Variants in XIRP2 observed in about 807,000 individuals in gnomAD.
The protein encoded by XIRP2 is xin actin binding repeat containing 2, also known as xin actin-binding repeat-containing protein 2.
A neutral mutation model predicts 277.0 loss-of-function variants in XIRP2; 236 were observed. That is an observed-to-expected ratio of 0.85 (90% CI 0.77 to 0.95). The LOEUF (loss-of-function observed/expected upper bound fraction) is 0.95, where lower values mean the gene tolerates loss of function less well. Among genes scored for constraint, XIRP2 ranks in the 40% least tolerant of loss-of-function variants. XIRP2 has a pLI of 0.00. For synonymous variants in XIRP2, 1,490 were observed against 1,416.5 expected (o/e 1.05, Z -1.17); for missense variants, 4,640 against 4,157.5 (o/e 1.12, Z -3.19).
chr2:167,120,728 A>G (rs1304674743), intron 2 of XIRP2, among the ~76,000 whole-genome samples: 1 of 152,196 alleles, frequency 6.6e-6, no homozygotes, highest in East Asian at 1.9e-4. Flanking sequence ...TTATCTTAAC[A>G]AAATCTCAGC....
chr2:167,016,584 G>T (rs1395271032), intron 2 of XIRP2, among the ~76,000 whole-genome samples: 1 of 151,968 alleles, frequency 6.6e-6, no homozygotes, highest in African/African-American at 2.4e-5. Context: ...CAAACAGTCT[G>T]TACTTTTACT....
At chr2:167,201,440 G>A (rs917861479) in intron 3 of XIRP2, among the ~76,000 whole-genome samples, 3 of 151,918 alleles carry the variant, frequency 2.0e-5, no homozygotes, top group Admixed American at 2.0e-4. Flanking sequence ...GGGGACATTT[G>A]GATGAAAGCG....
intron 2 of XIRP2, among the ~76,000 whole-genome samples, chr2:167,026,245 G>A (rs557506492): frequency 4.6e-5 from 7 of 151,978 alleles, no homozygotes; most frequent in African/African-American, 1.2e-4. Flanking sequence ...TTGTTGGTTT[G>A]AAGTCTGTTT....
At chr2:167,135,869 G>A (rs1258018189) in intron 2 of XIRP2, 40 bp from the exon 3 acceptor site, 12 of 1,513,278 alleles carry the variant, frequency 7.9e-6, no homozygotes, top group Non-Finnish European at 1.1e-5. Flanking sequence ...GTTTCCTACT[G>A]ATAGCTTTTA....
At chr2:167,165,154 C>T (rs971953277) in intron 3 of XIRP2, among the ~76,000 whole-genome samples, 2 of 152,104 alleles carry the variant, frequency 1.3e-5, no homozygotes, top group African/African-American at 4.8e-5. Flanking sequence ...TAGGTTTCCC[C>T]CATGTATTTT....
intron 2 of XIRP2, among the ~76,000 whole-genome samples, chr2:166,981,618 C>T (rs138602745): frequency 1.6e-3 from 242 of 152,110 alleles, no homozygotes; most frequent in African/African-American, 4.3e-3. Flanking sequence ...CCAGGCTGGT[C>T]GCGAACTCCT....
At chr2:167,030,580 T>A (rs1688315867) in intron 2 of XIRP2, among the ~76,000 whole-genome samples, 3 of 151,914 alleles carry the variant, frequency 2.0e-5, no homozygotes, top group African/African-American at 7.2e-5. Flanking sequence ...TCTGAGAGAC[T>A]GTTAGGATTT....
rs112208362 is a variant in XIRP2 at position 167,245,181 on chromosome 2, G to A, written c.3789G>A (p.Thr1263=). The A allele has an allele frequency of 6.6e-5, 107 of 1,613,232 alleles. 1 individual carries two copies. Among genetic ancestry groups the A allele is most frequent in the African/African-American group, 5.7e-4 (43 of 74,866 alleles). Residue 1263 remains threonine (T), a synonymous_variant, in exon 9 of 11, where the codon ACG becomes ACA. Transcript: ENST00000409195. Reference sequence around the variant, plus strand: ...AAGAAGGTGATGAATGTGTTAAGACGGTGACAGACATACAAGGTGGGGATG... The same window carrying A: ...AAGAAGGTGATGAATGTGTTAAGACAGTGACAGACATACAAGGTGGGGATG... ...ESQEGDECVK[T]VTDIQGGDVR...
intron 3 of XIRP2, among the ~76,000 whole-genome samples, chr2:167,160,034 C>T (rs73019960): frequency 0.099 from 15,104 of 151,908 alleles, 805 homozygotes; most frequent in South Asian, 0.16. Context: ...TAAGTAATTG[C>T]GCAAACAAGC....
chr2:167,077,345 G>A (rs1375008711), intron 2 of XIRP2, among the ~76,000 whole-genome samples: 1 of 151,886 alleles, frequency 6.6e-6, no homozygotes, highest in East Asian at 1.9e-4. Context: ...AGTCTTTCTT[G>A]GTGCCTATAT....
At chr2:167,043,940 CT>C (rs200269777) in intron 2 of XIRP2, among the ~76,000 whole-genome samples, 2,619 of 151,902 alleles carry the variant, frequency 0.017, 30 homozygotes, top group African/African-American at 0.028. Context: ...TATCATCATT[CT>C]GATATAAAAA....
chr2:167,125,301 A>G (rs1691169626), intron 2 of XIRP2, among the ~76,000 whole-genome samples: 1 of 152,342 alleles, frequency 6.6e-6, no homozygotes. Context: ...GTTTTAGAGA[A>G]GAATAGGATA....
At chr2:167,254,480 TC>T (rs1392838731) in intron 10 of XIRP2, among the ~76,000 whole-genome samples, 5 of 151,894 alleles carry the variant, frequency 3.3e-5, no homozygotes, top group African/African-American at 1.2e-4. Flanking sequence ...AGACTCCAGA[TC>T]AGGAGGTAGC....
intron 2 of XIRP2, among the ~76,000 whole-genome samples, chr2:167,120,628 A>G (rs1691030185): frequency 6.6e-6 from 1 of 152,172 alleles, no homozygotes; most frequent in South Asian, 2.1e-4. Context: ...AAAGAAGATA[A>G]AGACTCATCT....
chr2:167,243,704 G>T lies in XIRP2; in HGVS notation c.2312G>T (p.Arg771Leu). The change falls in exon 9 of 11, where the codon CGG becomes CTG. Residue 771 changes from arginine (R) to leucine (L), a missense_variant. Coordinates refer to ENST00000409195, the MANE Select transcript of XIRP2 (RefSeq NM_152381.6). ...DVEKGDVRTARWMFETQPLDT... is the reference protein window; with the variant it reads ...DVEKGDVRTALWMFETQPLDT... ...GAAAAGGGAGATGTAAGAACAGCAC[G>T]GTGGATGTTTGAAACACAGCCGTTG... The T allele has an allele frequency of 6.2e-7, 1 of 1,614,062 alleles. No individual in the cohort carries two copies. Among genetic ancestry groups the T allele is most frequent in the Non-Finnish European group, 8.5e-7 (1 of 1,179,970 alleles).
intron 2 of XIRP2, among the ~76,000 whole-genome samples, chr2:166,935,924 A>C (rs1053431509): frequency 3.3e-5 from 5 of 152,168 alleles, no homozygotes; most frequent in Non-Finnish European, 7.3e-5. Context: ...TTGGGTATAT[A>C]CCCAGTAATG....
chr2:167,067,951 G>C (rs1220043339), intron 2 of XIRP2, among the ~76,000 whole-genome samples: 1 of 152,152 alleles, frequency 6.6e-6, no homozygotes, highest in Non-Finnish European at 1.5e-5. Flanking sequence ...GACTTGGAAA[G>C]TCTTTCTGTA....
chr2:167,151,090 A>G lies in XIRP2; in HGVS notation c.562+15028A>G, dbSNP rs114152469. On this transcript the variant is annotated intron_variant, in intron 3 of 10. Coordinates refer to ENST00000409195, the MANE Select transcript of XIRP2 (RefSeq NM_152381.6). The stretch of plus-strand genomic sequence containing the variant: ...TAGCACATTTCACCATCTGAAGAGC[A>G]AAGTCTAGATTCTTCTACAGGTTTG... Among the ~76,000 whole-genome samples the G allele has an allele frequency of 5.1e-3, 636 of 124,794 alleles. 5 individuals are homozygous for G. Among genetic ancestry groups the G allele is most frequent in the African/African-American group, 0.019 (619 of 32,202 alleles). 81.9% of individuals were successfully genotyped at this position (124,794 alleles called of 152,430 possible).
chr2:166,923,253 T>C (rs1685102801), intron 2 of XIRP2, among the ~76,000 whole-genome samples: 1 of 152,124 alleles, frequency 6.6e-6, no homozygotes. Flanking sequence ...CTATAAACAT[T>C]GCCATAGCAA....
Sources: allele counts gnomAD v4.1 joint callset (sites outside exome capture counted in the v4.1 genomes callset), GRCh38; gene constraint gnomAD v4.1.1; transcripts MANE v1.5; gene names NCBI Gene and HGNC (gene_info 2026-07-23, HGNC 2026-07-21).